CSMD1: variants seen among roughly 807,000 people sequenced by gnomAD.
CSMD1 encodes the protein CUB and Sushi multiple domains 1, also known as CUB and sushi domain-containing protein 1.
In CSMD1, 213 loss-of-function variants were observed where a neutral mutation model predicts 417.5. The ratio of observed to expected loss-of-function variants is 0.51; its 90% CI spans 0.46 to 0.57. CSMD1 has a LOEUF of 0.57. CSMD1 is among the 20% of genes least tolerant of loss of function. The probability of loss-of-function intolerance (pLI) is 0.00; values close to 1 mark genes in which losing one functional copy is unlikely to be tolerated. For missense variants in CSMD1, 6,923 were observed against 4,529.7 expected, an observed-to-expected ratio of 1.53 and a Z score of -15.17; for synonymous variants, 2,862 against 1,736.8, an observed-to-expected ratio of 1.65 and a Z score of -16.11.
At chr8:4,115,429 C>G (rs1802082367) in intron 3 of CSMD1, among the ~76,000 whole-genome samples, 1 of 152,132 alleles carries the variant, frequency 6.6e-6, no homozygotes. Context: ...ATTTTATAGT[C>G]TAAAACTGAA....
chr8:3,655,915 G>A (rs138411780), intron 7 of CSMD1, among the ~76,000 whole-genome samples: 1 of 152,136 alleles, frequency 6.6e-6, no homozygotes, highest in Non-Finnish European at 1.5e-5. Context: ...GTGATGCCAG[G>A]AATGAAGAGC....
chr8:4,437,219 T>G (rs1197800475), intron 2 of CSMD1, among the ~76,000 whole-genome samples: 3 of 152,146 alleles, frequency 2.0e-5, no homozygotes, highest in Non-Finnish European at 4.4e-5. Flanking sequence ...GACTGACCAA[T>G]GTATCAAATT....
intron 3 of CSMD1, among the ~76,000 whole-genome samples, chr8:4,208,553 G>C (rs757673144): frequency 1.3e-4 from 20 of 152,138 alleles, no homozygotes; most frequent in Non-Finnish European, 2.5e-4. Context: ...TTCAATATCA[G>C]ATTGACTTGA....
intron 1 of CSMD1, among the ~76,000 whole-genome samples, chr8:4,692,377 G>C (rs1479038929): frequency 6.6e-6 from 1 of 152,166 alleles, no homozygotes; most frequent in Admixed American, 6.5e-5. Context: ...AAAAAACTGA[G>C]GTTCTGCTTC....
chr8:4,213,806 A>G (rs976383328), intron 3 of CSMD1, among the ~76,000 whole-genome samples: 13 of 152,166 alleles, frequency 8.5e-5, no homozygotes, highest in African/African-American at 3.1e-4. Context: ...ACTAACTTGC[A>G]TTGAGAAAGA....
chr8:3,544,104 T>A (rs1476717787), intron 10 of CSMD1, among the ~76,000 whole-genome samples: 2 of 152,004 alleles, frequency 1.3e-5, no homozygotes, highest in Non-Finnish European at 2.9e-5. Flanking sequence ...GACTCCATCT[T>A]GAGTGAGGGC....
intron 2 of CSMD1, among the ~76,000 whole-genome samples, chr8:4,520,041 G>C (rs1162038900): frequency 2.0e-5 from 3 of 151,802 alleles, no homozygotes; most frequent in African/African-American, 7.3e-5. Flanking sequence ...TAAATTCTAT[G>C]CTTGTTTAAC....
chr8:3,592,218 G>C (rs1468136950), intron 8 of CSMD1, among the ~76,000 whole-genome samples: 1 of 151,844 alleles, frequency 6.6e-6, no homozygotes, highest in East Asian at 1.9e-4. Context: ...TAAACAAGTG[G>C]ATAGATAGAT....
intron 12 of CSMD1, among the ~76,000 whole-genome samples, chr8:3,462,660 A>G (rs920137497): frequency 2.6e-5 from 4 of 152,170 alleles, no homozygotes; most frequent in African/African-American, 9.7e-5. Flanking sequence ...TTTATTACAC[A>G]TTACATTGTA....
intron 2 of CSMD1, among the ~76,000 whole-genome samples, chr8:4,583,317 C>A (rs1799533803): frequency 6.6e-6 from 1 of 152,278 alleles, no homozygotes; most frequent in South Asian, 2.1e-4. Context: ...CCTTGGAGAA[C>A]CTTTATGTGT....
At chr8:3,948,858 G>T (rs1010139932) in intron 5 of CSMD1, among the ~76,000 whole-genome samples, 43 of 151,940 alleles carry the variant, frequency 2.8e-4, no homozygotes, top group African/African-American at 9.7e-5. Context: ...AATTTTCAAT[G>T]TTCTCATTAT....
chr8:4,185,436 A>G (rs192851664), intron 3 of CSMD1, among the ~76,000 whole-genome samples: 64 of 152,254 alleles, frequency 4.2e-4, no homozygotes, highest in African/African-American at 1.5e-3. Context: ...GAGCTTGATA[A>G]ATAATGATTT....
At chr8:4,429,627 G>A (rs1162976218) in intron 2 of CSMD1, among the ~76,000 whole-genome samples, 1 of 152,090 alleles carries the variant, frequency 6.6e-6, no homozygotes, top group Non-Finnish European at 1.5e-5. Context: ...TCCAGAGAGA[G>A]AAACGAATGC....
chr8:3,099,862 T>C (rs1276283717), intron 46 of CSMD1, among the ~76,000 whole-genome samples: 3 of 152,242 alleles, frequency 2.0e-5, no homozygotes, highest in Non-Finnish European at 2.9e-5. Context: ...TCTCAGTTTC[T>C]ACAATTCTCT....
At chr8:3,972,209 A>G (rs1585056221) in intron 5 of CSMD1, among the ~76,000 whole-genome samples, 1 of 152,218 alleles carries the variant, frequency 6.6e-6, no homozygotes, top group African/African-American at 2.4e-5. Context: ...CACTTTGTTG[A>G]AGAAAGCAGG....
At chr8:3,465,024 G>C (rs1020469885) in intron 12 of CSMD1, among the ~76,000 whole-genome samples, 1 of 152,086 alleles carries the variant, frequency 6.6e-6, no homozygotes, top group Non-Finnish European at 1.5e-5. Context: ...TCATAAGTAT[G>C]AACAGGCTTA....
At chr8:3,087,030 T>A in intron 49 of CSMD1, 67 bp downstream of exon 49, 1 of 1,366,636 alleles carries the variant, frequency 7.3e-7, no homozygotes, top group Non-Finnish European at 1.0e-6. Flanking sequence ...TCATTTATTT[T>A]CAGAGAGTGA....
At chr8:4,061,891 C>G (rs7015239) in intron 3 of CSMD1, among the ~76,000 whole-genome samples, 11,779 of 152,178 alleles carry the variant, frequency 0.077, 1,595 homozygotes, top group African/African-American at 0.27. Context: ...TCTGAGCATA[C>G]TGGTAAAGTG....
chr8:4,050,147 G>T (rs1798348682), intron 3 of CSMD1, among the ~76,000 whole-genome samples: 1 of 152,164 alleles, frequency 6.6e-6, no homozygotes, highest in Non-Finnish European at 1.5e-5. Flanking sequence ...GTCGCAGCAT[G>T]CCAGGGACAC....
Sources: allele counts gnomAD v4.1 joint callset (sites outside exome capture counted in the v4.1 genomes callset), GRCh38; gene constraint gnomAD v4.1.1; transcripts MANE v1.5; gene names NCBI Gene and HGNC (gene_info 2026-07-23, HGNC 2026-07-21).